Variants in CHID1 observed in about 807,000 individuals in gnomAD.
The protein encoded by CHID1 is chitinase domain containing 1.
CHID1 carries 44 observed loss-of-function variants against 55.4 expected under a neutral mutation model. The ratio of observed to expected loss-of-function variants is 0.79; its 90% CI spans 0.62 to 1.02. The LOEUF (loss-of-function observed/expected upper bound fraction) is 1.02. CHID1 is among the 50% of genes least tolerant of loss of function. The probability of loss-of-function intolerance (pLI) is 0.00; values close to 1 mark genes in which losing one functional copy is unlikely to be tolerated. For missense variants in CHID1, 491 were observed against 515.3 expected (o/e 0.95, Z 0.46); for synonymous variants, 216 against 212.9 (o/e 1.01, Z -0.13).
chr11:914,741 T>TG, upstream of CHID1: 1 of 348,680 alleles, frequency 2.9e-6, no homozygotes, highest in Non-Finnish European at 5.5e-6. Context: ...AAAAAATTAC[T>TG]CACACCTGGT....
At chr11:882,361 C>T (rs1438368997) in intron 10 of CHID1, 6 of 152,272 alleles carry the variant, frequency 3.9e-5, no homozygotes, top group African/African-American at 9.6e-5. Context: ...AAGGTGTATT[C>T]GTGAGCTGTG....
chr11:879,563 T>C (rs1849749383), intron 10 of CHID1, among the ~76,000 whole-genome samples: 1 of 37,050 alleles, frequency 2.7e-5, no homozygotes, highest in Non-Finnish European at 5.1e-5. Context: ...AGAGAGGTCC[T>C]GGGAGGAGCC....
chr11:910,097 A>G (rs56118662), intron 1 of CHID1, among the ~76,000 whole-genome samples: 9,618 of 151,908 alleles, frequency 0.063, 738 homozygotes, highest in African/African-American at 0.18. Context: ...GCGCTGGCGC[A>G]CACCTGTAGT....
intron 8 of CHID1, among the ~76,000 whole-genome samples, chr11:888,688 C>A (rs1233775442): frequency 6.6e-6 from 1 of 152,228 alleles, no homozygotes; most frequent in East Asian, 1.9e-4. Flanking sequence ...CAGCTGCCGA[C>A]CCTCCCATCG....
rs79403356 is a variant in CHID1 at position 903,326 on chromosome 11, T to C, written c.112-215A>G. Among the ~76,000 whole-genome samples, 2,147 of 152,252 alleles carry C rather than the reference T, an allele frequency of 0.014. 216 individuals are homozygous for C. The East Asian group carries it at 0.26, about 18-fold the overall frequency. On this transcript the variant is annotated intron_variant, in intron 2 of 12. Coordinates refer to ENST00000323578, the MANE Select transcript of CHID1 (RefSeq NM_023947.4). ...GCCGTCAACAGACACTGGCCGACGG[T>C]ACAGGGCCTTTCCCACCCTTGCTCC... is the stretch of plus-strand genomic sequence containing the variant.
At chr11:894,881 C>T (rs1851146991) in intron 7 of CHID1, among the ~76,000 whole-genome samples, 1 of 152,214 alleles carries the variant, frequency 6.6e-6, no homozygotes, top group South Asian at 2.1e-4. Context: ...CCAAGTGGGA[C>T]TGTCATTTTC....
intron 7 of CHID1, 54 bp from the exon 8 acceptor site, chr11:893,573 G>A: frequency 2.9e-6 from 4 of 1,400,314 alleles, no homozygotes; most frequent in Non-Finnish European, 3.9e-6. Context: ...GCCTCTCCCA[G>A]GGTTCTGTGA....
intron 2 of CHID1, among the ~76,000 whole-genome samples, chr11:904,238 T>C (rs1852040226): frequency 6.6e-6 from 1 of 152,240 alleles, no homozygotes; most frequent in Admixed American, 6.5e-5. Context: ...TGGCAGGGTC[T>C]GGCCAGCGGC....
chr11:893,608 G>T, intron 7 of CHID1, 89 bp from the exon 8 acceptor site: 3 of 1,081,544 alleles, frequency 2.8e-6, no homozygotes, highest in Non-Finnish European at 4.0e-6. Flanking sequence ...GGGAGGGGTG[G>T]GGCTGGTCCC....
At chr11:887,526 T>G (rs1359532427) in intron 8 of CHID1, among the ~76,000 whole-genome samples, 2 of 152,194 alleles carry the variant, frequency 1.3e-5, no homozygotes, top group Non-Finnish European at 2.9e-5. Context: ...TCTCACGTGC[T>G]CCACGGTTCT....
intron 10 of CHID1, chr11:870,811 G>A (rs947103271): frequency 8.2e-5 from 25 of 306,066 alleles, no homozygotes; most frequent in Admixed American, 3.5e-4. Context: ...CCCTCAGGCC[G>A]CGCAGCGGCT....
intron 1 of CHID1, among the ~76,000 whole-genome samples, chr11:908,878 G>A (rs961904833): frequency 1.3e-5 from 2 of 152,246 alleles, no homozygotes; most frequent in Admixed American, 6.5e-5. Context: ...ACACTTCAGG[G>A]AAGGAAGAGG....
intron 1 of CHID1, chr11:908,515 C>A: frequency 1.1e-6 from 1 of 949,172 alleles, no homozygotes; most frequent in Non-Finnish European, 1.3e-6. Context: ...GGCCATGGCA[C>A]AGGGAAGACG....
chr11:872,001 C>T (rs1230784194), intron 10 of CHID1, among the ~76,000 whole-genome samples: 3 of 152,194 alleles, frequency 2.0e-5, no homozygotes, highest in Non-Finnish European at 4.4e-5. Flanking sequence ...TGCCACCCCC[C>T]CAGCAGTGCT....
intron 12 of CHID1, 39 bp from the exon 13 acceptor site, chr11:869,995 G>A: frequency 6.2e-7 from 1 of 1,607,362 alleles, no homozygotes; most frequent in Non-Finnish European, 8.5e-7. Context: ...GCTGGGGCCT[G>A]TCCCCCCAAC....
At chr11:893,555 G>GC in intron 7 of CHID1, 36 bp from the exon 8 acceptor site, 1 of 1,482,118 alleles carries the variant, frequency 6.7e-7, no homozygotes, top group East Asian at 2.5e-5. Context: ...GCAGTGCCTG[G>GC]CACTGAGGCC....
intron 8 of CHID1, among the ~76,000 whole-genome samples, chr11:888,793 C>G (rs1034767701): frequency 2.0e-5 from 3 of 151,760 alleles, no homozygotes; most frequent in Non-Finnish European, 4.4e-5. Flanking sequence ...ACGCCAGTGC[C>G]TGCCCACTCG....
chr11:912,941 G>A (rs1022795437), upstream of CHID1, among the ~76,000 whole-genome samples: 4 of 152,134 alleles, frequency 2.6e-5, no homozygotes, highest in Non-Finnish European at 5.9e-5. Flanking sequence ...AGATTTAGGA[G>A]AATCAGAACC....
At chr11:870,593 G>A in intron 10 of CHID1, 94 bp from the exon 11 acceptor site, 1 of 846,412 alleles carries the variant, frequency 1.2e-6, no homozygotes, top group Non-Finnish European at 1.9e-6. Flanking sequence ...GCAGGGGCAG[G>A]GCCACTCGGG....
Sources: allele counts gnomAD v4.1 joint callset (sites outside exome capture counted in the v4.1 genomes callset), GRCh38; gene constraint gnomAD v4.1.1; transcripts MANE v1.5; gene names NCBI Gene and HGNC (gene_info 2026-07-23, HGNC 2026-07-21).